IL16: variants seen among roughly 807,000 people sequenced by gnomAD.
IL16 encodes the protein pro-interleukin-16.
In IL16, 67 loss-of-function variants were observed where a neutral mutation model predicts 110.1. The observed-to-expected ratio is 0.61, with a 90% CI of 0.50 to 0.75. The LOEUF (loss-of-function observed/expected upper bound fraction) is 0.75. Among genes scored for constraint, IL16 ranks in the 30% least tolerant of loss-of-function variants. The pLI, the probability that IL16 is intolerant of heterozygous loss-of-function variation, is 0.00. For synonymous variants in IL16, 689 were observed against 662.9 expected, an observed-to-expected ratio of 1.04 and a Z score of -0.61; for missense variants, 1,545 against 1,655.0, an observed-to-expected ratio of 0.93 and a Z score of 1.15.
rs759460620 is a variant in IL16 at position 81,267,495 on chromosome 15, C to CACACACAT, written c.564+1701_564+1702insTACACACA. Among the ~76,000 whole-genome samples the CACACACAT allele has an allele frequency of 3.8e-3, 573 of 151,232 alleles. 2 individuals carry two copies. Among genetic ancestry groups the CACACACAT allele is most frequent in the African/African-American group, 0.013 (530 of 40,704 alleles). ...ACATACACAGACACACACACACACACACACACACACAGAGAGAGCGAGAGA... is the reference window on the plus strand; with the variant it reads ...ACATACACAGACACACACACACACACACACACATACACACACACAGAGAGAGCGAGAGA... On this transcript the variant is annotated intron_variant, in intron 4 of 18. Coordinates refer to ENST00000683961, the MANE Select transcript of IL16 (RefSeq NM_172217.5).
In IL16 at chr15:81,219,134, G is replaced by A. The variant is rs149078694; in HGVS notation, c.-101-6165G>A. Among the ~76,000 whole-genome samples the A allele has an allele frequency of 2.0e-4, 31 of 152,098 alleles. No individual in the cohort carries two copies. In the East Asian group the frequency reaches 4.4e-3, roughly 22 times the overall value. On this transcript the variant is annotated intron_variant, in intron 1 of 18. Transcript: ENST00000683961. ...AATTTCAGAGCCTAAGCCTTTAAGC[G>A]GTATATTTATAATTCTGCTTGTCCA...
At chr15:81,289,199 C>T (rs1164859012) in intron 10 of IL16, among the ~76,000 whole-genome samples, 1 of 152,048 alleles carries the variant, frequency 6.6e-6, no homozygotes, top group African/African-American at 2.4e-5. Context: ...CAGGCTCGAG[C>T]GCAGTGGCAC....
intron 1 of IL16, among the ~76,000 whole-genome samples, chr15:81,208,912 G>A (rs1896133101): frequency 6.6e-6 from 1 of 152,094 alleles, no homozygotes; most frequent in South Asian, 2.1e-4. Flanking sequence ...GTTAAATGGA[G>A]AAAGTTAAAA....
At chr15:81,209,226 A>G (rs1049480392) in intron 1 of IL16, among the ~76,000 whole-genome samples, 14 of 152,164 alleles carry the variant, frequency 9.2e-5, no homozygotes, top group Admixed American at 3.3e-4. Flanking sequence ...GCCAAAGTGC[A>G]GGCAAAGACA....
At chr15:81,306,798 G>A (rs1900591712) in intron 18 of IL16, 1 of 515,634 alleles carries the variant, frequency 1.9e-6, no homozygotes, top group Non-Finnish European at 3.6e-6. Flanking sequence ...GTTCGGGTTG[G>A]CAGGGCCAGG....
At position 81,269,596 on chromosome 15, in the gene IL16, G is replaced by T. The variant is rs1161261175; in HGVS notation, c.623G>T (p.Gly208Val). 6.2e-7 allele frequency: 1 copy of T among 1,614,128 alleles called. No individual in the cohort carries two copies. Among genetic ancestry groups the T allele is most frequent in the Non-Finnish European group, 8.5e-7 (1 of 1,179,972 alleles). Residue 208 changes from glycine (G) to valine (V), a missense_variant, in exon 5 of 19, where the codon GGC (glycine) becomes GTC (valine). This residue lies in a region of IL16 where 1,185 missense variants were observed against 1,238.8 expected (regional missense o/e 0.96). Coordinates refer to ENST00000683961, the MANE Select transcript of IL16 (RefSeq NM_172217.5). The stretch of plus-strand genomic sequence containing the variant: ...GCTCAGCTCGTGCAGCCATCTGGGG[G>T]CCTCCAGGCTTCAGTCATCTCCAAC... ...STAQLVQPSGGLQASVISNIV... is the reference protein window; with the variant it reads ...STAQLVQPSGVLQASVISNIV...
chr15:81,200,148 T>C (rs1895757802), intron 1 of IL16, among the ~76,000 whole-genome samples: 1 of 152,146 alleles, frequency 6.6e-6, no homozygotes, highest in African/African-American at 2.4e-5. Flanking sequence ...AATCATATTT[T>C]ATATTATCTT....
At chr15:81,278,775 T>G (rs1899029447) in intron 6 of IL16, 42 bp from the exon 7 acceptor site, 1 of 1,335,890 alleles carries the variant, frequency 7.5e-7, no homozygotes. Flanking sequence ...GCCCTTTGAT[T>G]GGGCAACACT....
intron 2 of IL16, among the ~76,000 whole-genome samples, chr15:81,231,379 T>TCTCTCTCTCC (rs1567008806): frequency 2.8e-5 from 4 of 144,746 alleles, no homozygotes; most frequent in Admixed American, 6.9e-5. Flanking sequence ...TCTCTCTCTC[T>TCTCTCTCTCC]CTCCCTCTCT....
rs868594994 is a variant in IL16 at position 81,204,385 on chromosome 15, T to A, written c.-102+7233T>A. The stretch of plus-strand genomic sequence containing the variant: ...TTGAATAGGAGTGGTGAGAGAGGGC[T>A]TCCCTGTCTTGTGCCCGTTTTCAAA... On this transcript the variant is annotated intron_variant, in intron 1 of 18. Transcript: ENST00000683961. Among the ~76,000 whole-genome samples, 803 of 152,268 alleles carry A rather than the reference T, an allele frequency of 5.3e-3. 4 individuals carry two copies. The highest frequency in any genetic ancestry group is 7.7e-3 in the Non-Finnish European group (524 of 68,018).
upstream of IL16, among the ~76,000 whole-genome samples, chr15:81,192,437 C>T (rs888392310): frequency 3.1e-4 from 46 of 148,432 alleles, no homozygotes; most frequent in African/African-American, 9.9e-4. Context: ...CGTGTCTCTA[C>T]AAAAAAAAAG....
At chr15:81,308,318 G>A (rs904049390) in intron 18 of IL16, among the ~76,000 whole-genome samples, 5 of 152,206 alleles carry the variant, frequency 3.3e-5, no homozygotes, top group Non-Finnish European at 7.3e-5. Context: ...AACTATGGAC[G>A]GTGCTCCAGG....
intron 12 of IL16, among the ~76,000 whole-genome samples, chr15:81,293,886 G>A (rs1899862115): frequency 6.6e-6 from 1 of 152,180 alleles, no homozygotes; most frequent in Admixed American, 6.5e-5. Context: ...ACAACCACCT[G>A]ATGGTGAGAG....
chr15:81,217,023 G>GA (rs5814045), intron 1 of IL16, among the ~76,000 whole-genome samples: 6 of 151,640 alleles, frequency 4.0e-5, no homozygotes, highest in Non-Finnish European at 5.9e-5. Flanking sequence ...CTTGAAGATA[G>GA]AAAAAAAATA....
chr15:81,284,115 A>G (rs1038111982), intron 9 of IL16, among the ~76,000 whole-genome samples: 1 of 152,126 alleles, frequency 6.6e-6, no homozygotes, highest in African/African-American at 2.4e-5. Context: ...TTTATAAATA[A>G]TTTCTAAGAG....
At chr15:81,242,887 C>G (rs998280513) in intron 2 of IL16, among the ~76,000 whole-genome samples, 6 of 151,740 alleles carry the variant, frequency 4.0e-5, no homozygotes, top group African/African-American at 1.5e-4. Flanking sequence ...ATATTCTCCT[C>G]TAGTCCTAGT....
upstream of IL16, among the ~76,000 whole-genome samples, chr15:81,194,062 C>T (rs917618285): frequency 6.6e-5 from 10 of 152,022 alleles, no homozygotes; most frequent in Non-Finnish European, 1.5e-4. Context: ...TTCGCATGAC[C>T]AAAAGTGTAC....
At chr15:81,267,161 G>A (rs1567026201) in intron 4 of IL16, among the ~76,000 whole-genome samples, 1 of 152,180 alleles carries the variant, frequency 6.6e-6, no homozygotes, top group East Asian at 1.9e-4. Context: ...GCTGCTTCCT[G>A]TCTTTGCTGC....
At chr15:81,294,375 G>A (rs1899884799) in intron 12 of IL16, among the ~76,000 whole-genome samples, 1 of 152,260 alleles carries the variant, frequency 6.6e-6, no homozygotes, top group African/African-American at 2.4e-5. Flanking sequence ...GCAGCCAGCT[G>A]AGAAGCCAGT....
Sources: allele counts gnomAD v4.1 joint callset (sites outside exome capture counted in the v4.1 genomes callset), GRCh38; gene constraint gnomAD v4.1.1; regional missense constraint gnomAD v4.1.1; transcripts MANE v1.5; gene names NCBI Gene and HGNC (gene_info 2026-07-23, HGNC 2026-07-21).